WNT3A: variants seen among roughly 807,000 people sequenced by gnomAD.
WNT3A encodes the protein Wnt family member 3A, also known as protein Wnt-3a.
In WNT3A, 17 loss-of-function variants were observed where a neutral mutation model predicts 37.0. The ratio of observed to expected loss-of-function variants is 0.46; its 90% confidence interval spans 0.31 to 0.69. The LOEUF is 0.69. WNT3A is among the 30% of genes least tolerant of loss of function. WNT3A has a pLI of 0.05. For synonymous variants in WNT3A, 187 were observed against 211.0 expected, an observed-to-expected ratio of 0.89 and a Z score of 0.99; for missense variants, 411 against 510.2, an observed-to-expected ratio of 0.81 and a Z score of 1.87.
chr1:228,014,413 C>A (rs2030466175), intron 1 of WNT3A, among the ~76,000 whole-genome samples: 1 of 152,206 alleles, frequency 6.6e-6, no homozygotes, highest in Non-Finnish European at 1.5e-5. Flanking sequence ...AGCAAACATG[C>A]AAGCACAGAG....
Position 228,037,165 on chromosome 1 carries a change from C to T in WNT3A, c.314-13491C>T, listed in dbSNP as rs545863588. On this transcript the variant is annotated intron_variant, in intron 2 of 3. Coordinates refer to ENST00000284523, the MANE Select transcript of WNT3A (RefSeq NM_033131.4). This position sits in a 1 kb window ranked among gnomAD's most constrained non-coding sequence, Gnocchi z 4.1. Reference sequence around the variant, plus strand: ...GCCCTGGGGTTTGCTTCTTCGTACCCAGTGTGGGTGGGGCCTGCAGCAGTG... The same window carrying T: ...GCCCTGGGGTTTGCTTCTTCGTACCTAGTGTGGGTGGGGCCTGCAGCAGTG... Among the ~76,000 whole-genome samples, 7 of 152,224 alleles carry T rather than the reference C, an allele frequency of 4.6e-5. No homozygotes were observed. Among genetic ancestry groups the T allele is most frequent in the African/African-American group, 1.7e-4 (7 of 41,534 alleles).
chr1:228,058,021 C>G (rs558993731), intron 3 of WNT3A, among the ~76,000 whole-genome samples: 1 of 152,142 alleles, frequency 6.6e-6, no homozygotes, highest in East Asian at 1.9e-4. Flanking sequence ...TTAATAGACA[C>G]GTGGCTTTGC....
intron 1 of WNT3A, among the ~76,000 whole-genome samples, chr1:228,013,144 CT>C (rs2030423702): frequency 6.6e-6 from 1 of 152,148 alleles, no homozygotes; most frequent in Admixed American, 6.5e-5. Context: ...ACCTCCTGGG[CT>C]CCAGCAGTCC....
rs2031015961 is a variant in WNT3A, at chr1:228,031,701, A to G, written c.313+8793A>G. Among the ~76,000 whole-genome samples the G allele has an allele frequency of 6.6e-6, 1 of 152,114 alleles. No homozygotes were observed. Among genetic ancestry groups the G allele is most frequent in the Non-Finnish European group, 1.5e-5 (1 of 67,998 alleles). The stretch of plus-strand genomic sequence containing the variant: ...ATGTGGATGTGCCTGTGCCGTGTGC[A>G]TGTGGCTGTGGCATGCATGTGCATG... On this transcript the variant is annotated intron_variant, in intron 2 of 3. Coordinates refer to ENST00000284523, the MANE Select transcript of WNT3A (RefSeq NM_033131.4). This position sits in a 1 kb window ranked among gnomAD's most constrained non-coding sequence, Gnocchi z 4.8.
rs771088379 is a variant in WNT3A, at chr1:228,008,983, G to T, written c.71+1784G>T. Among the ~76,000 whole-genome samples, 5 of 152,146 alleles carry T rather than the reference G, an allele frequency of 3.3e-5. No homozygotes were observed. Among genetic ancestry groups the T allele is most frequent in the Non-Finnish European group, 7.4e-5 (5 of 68,026 alleles). On this transcript the variant is annotated intron_variant, in intron 1 of 3. Transcript: ENST00000284523. This position sits in a 1 kb window ranked among gnomAD's most constrained non-coding sequence, Gnocchi z 4.9. ...CTGCAGGGGAGCCAGGAGGAGCAGA[G>T]AAGTGAAGTCCCTGTACCCTCCGCA...
intron 3 of WNT3A, among the ~76,000 whole-genome samples, chr1:228,052,066 G>A (rs931552334): frequency 6.6e-6 from 1 of 152,106 alleles, no homozygotes; most frequent in Non-Finnish European, 1.5e-5. Context: ...TATCAGGCAC[G>A]AATCCCATTC....
In WNT3A at chr1:228,060,291, G is replaced by A. The variant is rs753943147; in HGVS notation, c.*826G>A. ...TTCCATCCACCCCTGCGTCGAGCTG[G>A]GAAGGTTCCATGAAGCGAGTCGGGT... On this transcript the variant is annotated 3_prime_UTR_variant, in exon 4 of 4. Coordinates refer to ENST00000284523, the MANE Select transcript of WNT3A (RefSeq NM_033131.4). The A allele has an allele frequency of 1.5e-6, 2 of 1,351,524 alleles. No homozygotes were observed. The highest frequency in any genetic ancestry group is 4.6e-5 in the East Asian group (1 of 21,962). The allele number at this position is 1,351,524 out of a possible 1,614,324, so 83.7% of individuals were successfully genotyped here.
intron 2 of WNT3A, among the ~76,000 whole-genome samples, chr1:228,041,121 C>T (rs1458683529): frequency 6.6e-6 from 1 of 151,772 alleles, no homozygotes; most frequent in African/African-American, 2.4e-5. Flanking sequence ...CTCTGTTAGT[C>T]CCCAGATGCT....
chr1:228,043,341 G>C (rs1254447167), intron 2 of WNT3A, among the ~76,000 whole-genome samples: 1 of 152,168 alleles, frequency 6.6e-6, no homozygotes, highest in Non-Finnish European at 1.5e-5. Context: ...GTTCAGCCAG[G>C]CTCCTTCCCA....
chr1:228,058,505 C>G (rs550406211), intron 3 of WNT3A, among the ~76,000 whole-genome samples: 9 of 152,384 alleles, frequency 5.9e-5, no homozygotes, highest in Non-Finnish European at 1.2e-4. Flanking sequence ...TCTTCCTCTG[C>G]AGTCCCCATA....
chr1:228,056,752 T>G (rs2031689908), intron 3 of WNT3A, among the ~76,000 whole-genome samples: 1 of 152,236 alleles, frequency 6.6e-6, no homozygotes, highest in African/African-American at 2.4e-5. Context: ...CAGAGCCTAC[T>G]GCACAGAACA....
chr1:228,041,970 T>C (rs1216005621), intron 2 of WNT3A, among the ~76,000 whole-genome samples: 1 of 152,184 alleles, frequency 6.6e-6, no homozygotes, highest in African/African-American at 2.4e-5. Context: ...TGAGCAGCAG[T>C]CCACTTTCTG....
chr1:228,043,851 C>T (rs895162972), intron 2 of WNT3A, among the ~76,000 whole-genome samples: 10 of 152,178 alleles, frequency 6.6e-5, no homozygotes, highest in African/African-American at 2.2e-4. Flanking sequence ...CTGCAGATTC[C>T]CTCTAGAACC....
At chr1:228,025,112 G>T (rs937080971) in intron 2 of WNT3A, among the ~76,000 whole-genome samples, 4 of 152,048 alleles carry the variant, frequency 2.6e-5, no homozygotes, top group Non-Finnish European at 4.4e-5. Context: ...AGATTGTTTG[G>T]GGGGGACAGG....
At chr1:228,043,548 C>G (rs1286022194) in intron 2 of WNT3A, among the ~76,000 whole-genome samples, 1 of 152,234 alleles carries the variant, frequency 6.6e-6, no homozygotes, top group African/African-American at 2.4e-5. Context: ...ATAGCTGACT[C>G]TGTTGTGTCA....
intron 1 of WNT3A, among the ~76,000 whole-genome samples, chr1:228,020,593 C>T (rs1388566224): frequency 6.6e-6 from 1 of 152,230 alleles, no homozygotes; most frequent in African/African-American, 2.4e-5. Flanking sequence ...CAGCTACCTA[C>T]AGCAGGAACA....
rs138090149 is a variant in WNT3A, at chr1:228,042,184, G to A, written c.314-8472G>A. ...AGTAGAGACGGGGTTTCACCATGTTGGCCAGGATGGTCTCAATCTCTTGAC... is the reference window on the plus strand; with the variant it reads ...AGTAGAGACGGGGTTTCACCATGTTAGCCAGGATGGTCTCAATCTCTTGAC... On this transcript the variant is annotated intron_variant, in intron 2 of 3. Transcript: ENST00000284523. The surrounding 1 kb of genome is among the most constrained non-coding windows in gnomAD (Gnocchi z 5.2). Among the ~76,000 whole-genome samples the A allele has an allele frequency of 8.3e-3, 1,264 of 152,160 alleles. 19 individuals carry two copies. The highest frequency in any genetic ancestry group is 0.029 in the African/African-American group (1,186 of 41,496).
At chr1:228,024,025 T>A (rs1426210295) in intron 2 of WNT3A, among the ~76,000 whole-genome samples, 1 of 152,284 alleles carries the variant, frequency 6.6e-6, no homozygotes, top group Non-Finnish European at 1.5e-5. Context: ...ATTGCATGGA[T>A]GGAGCACACT....
intron 3 of WNT3A, among the ~76,000 whole-genome samples, chr1:228,055,002 T>G (rs1420967109): frequency 6.7e-6 from 1 of 149,498 alleles, no homozygotes; most frequent in African/African-American, 2.5e-5. Flanking sequence ...GGCGTGGTAG[T>G]GCACGCCTGT....
Sources: gnomAD v4.1 joint callset for allele counts (sites outside exome capture counted in the v4.1 genomes callset) on GRCh38, gnomAD v4.1.1 for gene constraint, Gnocchi (gnomAD v3.1) non-coding constraint, MANE v1.5 for transcripts, NCBI Gene and HGNC (gene_info 2026-07-23, HGNC 2026-07-21) for gene names.